ALPK1: variants seen among roughly 807,000 people sequenced by gnomAD.
ALPK1 encodes the protein alpha kinase 1, also known as alpha-protein kinase 1.
A neutral mutation model predicts 120.6 loss-of-function variants in ALPK1; 110 were observed. That is an observed-to-expected ratio of 0.91 (90% confidence interval 0.78 to 1.07). ALPK1 has a LOEUF of 1.07. ALPK1 is among the 50% of genes least tolerant of loss of function. ALPK1 has a pLI of 0.00. For synonymous variants in ALPK1, 582 were observed against 560.3 expected (o/e 1.04, Z -0.55); for missense variants, 1,498 against 1,483.9 (o/e 1.01, Z -0.16).
At chr4:112,363,643 G>C (rs1731012178) in intron 2 of ALPK1, among the ~76,000 whole-genome samples, 1 of 151,996 alleles carries the variant, frequency 6.6e-6, no homozygotes, top group African/African-American at 2.4e-5. Flanking sequence ...CACTAGACAG[G>C]TCATCAAGAG....
At chr4:112,319,281 T>C (rs1457949867) in intron 2 of ALPK1, among the ~76,000 whole-genome samples, 1 of 152,214 alleles carries the variant, frequency 6.6e-6, no homozygotes, top group Admixed American at 6.5e-5. Flanking sequence ...CAAGAGAACA[T>C]GACCAAAGAC....
chr4:112,358,871 T>C, intron 2 of ALPK1: 1 of 778,784 alleles, frequency 1.3e-6, no homozygotes, highest in Non-Finnish European at 2.4e-6. Context: ...CCGATGACTT[T>C]GCTGCCCTGG....
intron 2 of ALPK1, among the ~76,000 whole-genome samples, chr4:112,374,299 G>A (rs911851173): frequency 7.2e-5 from 11 of 152,256 alleles, no homozygotes; most frequent in African/African-American, 2.4e-4. Context: ...AAGGAGCAAC[G>A]TCCCATTCAT....
chr4:112,382,310 T>TTTTTTC, intron 3 of ALPK1, 88 bp from the exon 4 acceptor site: 1 of 762,296 alleles, frequency 1.3e-6, no homozygotes, highest in East Asian at 3.9e-5. Flanking sequence ...TTTTTTTTTT[T>TTTTTTC]GCCACTGAGG....
intron 2 of ALPK1, among the ~76,000 whole-genome samples, chr4:112,324,549 T>C (rs1729023126): frequency 6.6e-6 from 1 of 152,222 alleles, no homozygotes; most frequent in East Asian, 1.9e-4. Context: ...ACAATCATAA[T>C]TCACTGCGAC....
chr4:112,427,387 TATTTTTAAAAATAGTATTTTTAAAAATTG>T (rs917760604), intron 8 of ALPK1, among the ~76,000 whole-genome samples, 154 bp from the exon 9 acceptor site: 6 of 37,756 alleles, frequency 1.6e-4, no homozygotes, highest in Non-Finnish European at 2.7e-4. Flanking sequence ...TTAAAAATAG[TATTTTTAAAAATAGTATTTTTAAAAATTG>T]ATTTTTAAAA....
intron 4 of ALPK1, among the ~76,000 whole-genome samples, chr4:112,392,654 G>A (rs1732470109): frequency 6.6e-6 from 1 of 152,274 alleles, no homozygotes; most frequent in African/African-American, 2.4e-5. Flanking sequence ...AGCCTCCCAA[G>A]TAGCTGGGAC....
intron 2 of ALPK1, chr4:112,357,140 G>A (rs1560651367): frequency 7.3e-7 from 1 of 1,376,582 alleles, no homozygotes; most frequent in South Asian, 1.2e-5. Context: ...GCCTGGAGAT[G>A]ACAGCGGTGT....
intron 4 of ALPK1, among the ~76,000 whole-genome samples, chr4:112,408,452 T>C (rs1443429531): frequency 6.6e-6 from 1 of 152,064 alleles, no homozygotes; most frequent in East Asian, 1.9e-4. Flanking sequence ...TGATTTACAT[T>C]TTATGAATGC....
At chr4:112,349,056 T>C (rs536413744) in intron 2 of ALPK1, among the ~76,000 whole-genome samples, 2 of 146,168 alleles carry the variant, frequency 1.4e-5, no homozygotes, top group East Asian at 3.9e-4. Flanking sequence ...GCAGTTTTTG[T>C]TTTTTTTTTG....
chr4:112,439,548 A>G, intron 13 of ALPK1, 138 bp from the exon 14 acceptor site: 1 of 621,828 alleles, frequency 1.6e-6, no homozygotes, highest in Non-Finnish European at 2.6e-6. Context: ...AGTTATAATT[A>G]TACCTACTTT....
At chr4:112,435,887 A>G (rs552094885) in intron 12 of ALPK1, among the ~76,000 whole-genome samples, 23 of 152,370 alleles carry the variant, frequency 1.5e-4, no homozygotes, top group Admixed American at 9.8e-4. Flanking sequence ...CATCCCCACG[A>G]TAAAGGGTAT....
chr4:112,380,447 C>T (rs1731851169), intron 3 of ALPK1, among the ~76,000 whole-genome samples: 1 of 152,138 alleles, frequency 6.6e-6, no homozygotes, highest in Non-Finnish European at 1.5e-5. Context: ...TGTAAGCCAT[C>T]CTCGGTAATC....
intron 2 of ALPK1, among the ~76,000 whole-genome samples, chr4:112,355,639 A>G (rs1413209404): frequency 6.6e-6 from 1 of 152,046 alleles, no homozygotes; most frequent in Admixed American, 6.6e-5. Flanking sequence ...GACGGGCGGG[A>G]CCCCAGATTT....
Position 112,393,628 on chromosome 4 carries a change from G to T in ALPK1, c.276+11076G>T, listed in dbSNP as rs1047948564. ...GAGAAAGAAGAAGGATTGTTAAACA[G>T]TTGTCCTTAAATCTAGACAAGGTCA... On this transcript the variant is annotated intron_variant, in intron 4 of 15. Coordinates refer to ENST00000650871, the MANE Select transcript of ALPK1 (RefSeq NM_025144.4). Among the ~76,000 whole-genome samples the T allele has an allele frequency of 6.6e-5, 10 of 152,290 alleles. No homozygotes were observed. In the East Asian group the frequency reaches 1.2e-3, roughly 18 times the overall value.
chr4:112,392,319 CA>C (rs1474353646), intron 4 of ALPK1, among the ~76,000 whole-genome samples: 2 of 152,268 alleles, frequency 1.3e-5, no homozygotes, highest in East Asian at 3.9e-4. Context: ...TTCCCCAAAT[CA>C]AGACCTTGGC....
intron 5 of ALPK1, among the ~76,000 whole-genome samples, chr4:112,422,872 G>A (rs1306573950): frequency 6.6e-6 from 1 of 152,208 alleles, no homozygotes; most frequent in East Asian, 1.9e-4. Context: ...CTTCCTCAGA[G>A]CATTGGGCTA....
At chr4:112,362,864 C>T (rs1023141248) in intron 2 of ALPK1, among the ~76,000 whole-genome samples, 6 of 152,178 alleles carry the variant, frequency 3.9e-5, no homozygotes, top group African/African-American at 1.4e-4. Context: ...TTAAGGAAAA[C>T]TTATCAGATT....
chr4:112,431,396 G>A lies in ALPK1; in HGVS notation c.1849G>A (p.Val617Met), dbSNP rs142192273. ...ARKEPGKEHL[V>M]DTQCSTALSE... Reference sequence around the variant, plus strand: ...AAAAGAGCCTGGCAAAGAACATCTGGTGGACACTCAGTGTTCCACTGCCTT... The same window carrying A: ...AAAAGAGCCTGGCAAAGAACATCTGATGGACACTCAGTGTTCCACTGCCTT... The change falls in exon 11 of 16, where the codon GTG (valine) becomes ATG (methionine). Residue 617 changes from valine (V) to methionine (M), a missense_variant. Coordinates refer to ENST00000650871, the MANE Select transcript of ALPK1 (RefSeq NM_025144.4). 13 of 1,614,208 alleles carry A rather than the reference G, an allele frequency of 8.1e-6. No homozygotes were observed. The highest frequency in any genetic ancestry group is 1.7e-5 in the Admixed American group (1 of 60,032).
Sources: gnomAD v4.1 joint callset for allele counts (sites outside exome capture counted in the v4.1 genomes callset) on GRCh38, gnomAD v4.1.1 for gene constraint, MANE v1.5 for transcripts, NCBI Gene and HGNC (gene_info 2026-07-23, HGNC 2026-07-21) for gene names.